Variants in TEX36 observed in about 807,000 individuals in gnomAD.
The protein encoded by TEX36 is testis expressed 36.
TEX36 carries 12 observed loss-of-function variants against 13.6 expected under a neutral mutation model. That is an observed-to-expected ratio of 0.88 (90% CI 0.56 to 1.43). TEX36 has a LOEUF of 1.43. TEX36 is among the 40% of genes most tolerant of loss of function. The pLI is 0.00. For synonymous variants in TEX36, 93 were observed against 83.0 expected (o/e 1.12, Z -0.65); for missense variants, 224 against 228.3 (o/e 0.98, Z 0.12).
At chr10:125,622,395 A>T (rs1846437528) in intron 3 of TEX36, among the ~76,000 whole-genome samples, 2 of 152,262 alleles carry the variant, frequency 1.3e-5, no homozygotes, top group African/African-American at 4.8e-5. Context: ...CAAAATAAGG[A>T]GTAAATACTC....
chr10:125,647,678 G>C (rs192116324), intron 3 of TEX36, among the ~76,000 whole-genome samples: 226 of 151,716 alleles, frequency 1.5e-3, no homozygotes, highest in Non-Finnish European at 2.4e-3. Flanking sequence ...GTCAGACAGT[G>C]GGTGCAGCCC....
intron 3 of TEX36, among the ~76,000 whole-genome samples, chr10:125,636,907 C>T (rs1046013680): frequency 6.6e-6 from 1 of 152,146 alleles, no homozygotes; most frequent in Non-Finnish European, 1.5e-5. Context: ...CCCTTATACC[C>T]ATTGATTAAT....
At chr10:125,586,117 C>T (rs1845944387) in intron 3 of TEX36, among the ~76,000 whole-genome samples, 1 of 152,176 alleles carries the variant, frequency 6.6e-6, no homozygotes, top group Non-Finnish European at 1.5e-5. Flanking sequence ...GGGCATCTGA[C>T]AAAGCACACA....
intron 3 of TEX36, among the ~76,000 whole-genome samples, chr10:125,606,686 T>C (rs1417444393): frequency 1.3e-5 from 2 of 152,230 alleles, no homozygotes; most frequent in Non-Finnish European, 2.9e-5. Context: ...GATATATTTC[T>C]ATATTACTGT....
At position 125,622,372 on chromosome 10, in the gene TEX36, A is replaced by G. The variant is rs1448839554; in HGVS notation, c.265-727T>C. ...CTTAGTACAGGTGTATACATGCACA[A>G]ACATATTTTTAACAAAATAAGGAGT... is the stretch of plus-strand genomic sequence containing the variant. On this transcript the variant is annotated intron_variant, in intron 3 of 3. Coordinates refer to the TEX36 transcript ENST00000526819. Among the ~76,000 whole-genome samples, 6 of 152,284 alleles carry G rather than the reference A, an allele frequency of 3.9e-5. No individual in the cohort carries two copies. The East Asian group carries it at 1.2e-3, about 29-fold the overall frequency.
At chr10:125,660,476 A>G in intron 3 of TEX36, among the ~76,000 whole-genome samples, 1 of 152,230 alleles carries the variant, frequency 6.6e-6, no homozygotes, top group East Asian at 1.9e-4. Flanking sequence ...TACTTAATGT[A>G]ACCACTAAAG....
Position 125,656,053 on chromosome 10 carries a change from C to T in TEX36, c.408G>A (p.Val136=). The T allele has an allele frequency of 6.4e-7, 1 of 1,551,854 alleles. No homozygotes were observed. Among genetic ancestry groups the T allele is most frequent in the Non-Finnish European group, 8.7e-7 (1 of 1,147,030 alleles). The stretch of plus-strand genomic sequence containing the variant: ...GTGGAAAGCGTCTGAAGCTTGAGAC[C>T]ACCATGGCTTCTTTATATACGTATG... ...QISYVYKEAM[V]VSSFRRFPRC... The change falls in exon 4 of 4, where the codon GTG becomes GTA. Residue 136 remains valine (V), a synonymous_variant. Coordinates refer to ENST00000368821, the MANE Select transcript of TEX36 (RefSeq NM_001128202.3).
intron 3 of TEX36, among the ~76,000 whole-genome samples, chr10:125,612,939 T>C (rs1347340316): frequency 6.6e-6 from 1 of 152,018 alleles, no homozygotes; most frequent in Non-Finnish European, 1.5e-5. Context: ...AAAGATAATT[T>C]CCATCATTCT....
chr10:125,601,665 G>A (rs1406836169), intron 3 of TEX36, among the ~76,000 whole-genome samples: 1 of 152,232 alleles, frequency 6.6e-6, no homozygotes, highest in East Asian at 1.9e-4. Flanking sequence ...TCCCACTGCT[G>A]ATGGCTCAAC....
At chr10:125,578,657 G>A (rs371658162) in intron 3 of TEX36, among the ~76,000 whole-genome samples, 28 of 152,152 alleles carry the variant, frequency 1.8e-4, no homozygotes, top group East Asian at 1.5e-3. Context: ...CTGTCTGTCC[G>A]GTCTATAAAC....
At chr10:125,590,760 T>C (rs1264118289) in intron 3 of TEX36, among the ~76,000 whole-genome samples, 1 of 152,166 alleles carries the variant, frequency 6.6e-6, no homozygotes, top group Non-Finnish European at 1.5e-5. Flanking sequence ...TGAAGAAATA[T>C]GATTTACTTT....
intron 3 of TEX36, among the ~76,000 whole-genome samples, chr10:125,592,255 G>A (rs1846029687): frequency 1.3e-5 from 2 of 152,074 alleles, no homozygotes; most frequent in South Asian, 4.1e-4. Flanking sequence ...CGAGGCTGGG[G>A]GTGGCAAGTG....
chr10:125,666,669 C>T (rs570573008), intron 1 of TEX36, among the ~76,000 whole-genome samples: 1 of 152,116 alleles, frequency 6.6e-6, no homozygotes, highest in Non-Finnish European at 1.5e-5. Flanking sequence ...TCCCCGCCCC[C>T]CCTCCTCCAA....
rs112169772 is a variant in TEX36, at chr10:125,603,328, G to A, written c.265-26454C>T. ...CCCATCCCTGCACCAGAAACCTGGC[G>A]GGGGTCCAGGGGTGGGGTGGGCAGG... On this transcript the variant is annotated intron_variant, in intron 3 of 3. Coordinates refer to the TEX36 transcript ENST00000532135. Among the ~76,000 whole-genome samples, 1,290 of 152,214 alleles carry A rather than the reference G, an allele frequency of 8.5e-3. 16 individuals carry two copies. Among genetic ancestry groups the A allele is most frequent in the African/African-American group, 0.029 (1,207 of 41,520 alleles).
Position 125,673,817 on chromosome 10 carries a change from T to C in TEX36, c.51+9122A>G, listed in dbSNP as rs111499500. Among the ~76,000 whole-genome samples, 4 of 152,188 alleles carry C rather than the reference T, an allele frequency of 2.6e-5. 1 individual carries two copies. Among genetic ancestry groups the C allele is most frequent in the African/African-American group, 9.6e-5 (4 of 41,538 alleles). ...CCTTAGTCTGATGGGTTTCCATTTG[T>C]AAGTGACCTGGCCTTTCTTTCTGGC... On this transcript the variant is annotated intron_variant, in intron 1 of 3. Transcript: ENST00000368821.
chr10:125,615,024 G>A (rs1169941131), intron 3 of TEX36, among the ~76,000 whole-genome samples: 7 of 152,250 alleles, frequency 4.6e-5, no homozygotes, highest in African/African-American at 1.2e-4. Context: ...ATTCCTAGGT[G>A]TTTTATTCTC....
chr10:125,610,616 T>C (rs1846276897), intron 3 of TEX36, among the ~76,000 whole-genome samples: 1 of 152,158 alleles, frequency 6.6e-6, no homozygotes, highest in Non-Finnish European at 1.5e-5. Context: ...TGCCAATTTG[T>C]AGCAACTTTT....
intron 1 of TEX36, among the ~76,000 whole-genome samples, chr10:125,665,296 A>T (rs2133600005): frequency 6.6e-6 from 1 of 151,956 alleles, no homozygotes; most frequent in East Asian, 1.9e-4. Flanking sequence ...TGCTTTGGAG[A>T]TCTTAGTCAT....
chr10:125,606,356 A>G (rs901839264), intron 3 of TEX36, among the ~76,000 whole-genome samples: 1 of 152,238 alleles, frequency 6.6e-6, no homozygotes, highest in African/African-American at 2.4e-5. Flanking sequence ...TTAAAGCCTT[A>G]TATCTTTGAC....
Sources: gnomAD v4.1 joint callset for allele counts (sites outside exome capture counted in the v4.1 genomes callset) on GRCh38, gnomAD v4.1.1 for gene constraint, MANE v1.5 for transcripts, NCBI Gene and HGNC (gene_info 2026-07-23, HGNC 2026-07-21) for gene names.